The following ATP10A variants were observed in gnomAD, a reference collection of about 807,000 sequenced individuals.
ATP10A encodes ATPase phospholipid transporting 10A (putative).
ATP10A carries 111 observed loss-of-function variants against 147.8 expected under a neutral mutation model. The ratio of observed to expected loss-of-function variants is 0.75; its 90% confidence interval spans 0.64 to 0.88. ATP10A has a LOEUF of 0.88. Among genes scored for constraint, ATP10A ranks in the 40% least tolerant of loss-of-function variants. The probability of loss-of-function intolerance (pLI) is 0.00; values close to 1 mark genes in which losing one functional copy is unlikely to be tolerated. For missense variants in ATP10A, 1,927 were observed against 1,959.0 expected (o/e 0.98, Z 0.31); for synonymous variants, 875 against 841.6 (o/e 1.04, Z -0.69).
At chr15:25,762,982 G>T (rs10459722) in intron 2 of ATP10A, among the ~76,000 whole-genome samples, 142,004 of 152,244 alleles carry the variant, frequency 0.93, 66,770 homozygotes, top group Non-Finnish European at 1. Flanking sequence ...TTAACAATGT[G>T]TTTTTTTCAA....
intron 12 of ATP10A, among the ~76,000 whole-genome samples, chr15:25,705,881 T>C (rs1567315999): frequency 6.6e-6 from 1 of 152,234 alleles, no homozygotes; most frequent in African/African-American, 2.4e-5. Context: ...CAGGCTCCAG[T>C]GCACGGCTGG....
At chr15:25,709,246 T>A (rs1315065468) in intron 10 of ATP10A, 3 of 152,200 alleles carry the variant, frequency 2.0e-5, no homozygotes, top group Non-Finnish European at 1.5e-5. Flanking sequence ...GAGTTGATAA[T>A]GGGGAAGAAA....
At chr15:25,711,322 A>G (rs926811473) in intron 10 of ATP10A, among the ~76,000 whole-genome samples, 1 of 152,072 alleles carries the variant, frequency 6.6e-6, no homozygotes, top group African/African-American at 2.4e-5. Context: ...CACAGGTAGT[A>G]AGTTGATTTA....
At chr15:25,850,256 C>T (rs1893223198) in intron 1 of ATP10A, among the ~76,000 whole-genome samples, 2 of 152,174 alleles carry the variant, frequency 1.3e-5, no homozygotes, top group African/African-American at 4.8e-5. Context: ...CCAGCAGGAA[C>T]AGGGGCCTCC....
rs542299949 is a variant in ATP10A at position 25,721,820 on chromosome 15, G to A, written c.1200C>T (p.Asp400=). The stretch of plus-strand genomic sequence containing the variant: ...ACTGCAGCTGCGAGTCTGTTTCTTC[G>A]TCATACAACTGCATGTCCTGGTTAA... ...YFINQDMQLY[D]EETDSQLQCR... The change falls in exon 7 of 21, where the codon GAC becomes GAT. Residue 400 remains aspartate, a synonymous_variant. Coordinates refer to ENST00000555815, the MANE Select transcript of ATP10A (RefSeq NM_024490.4). 9.9e-6 allele frequency: 16 copies of A among 1,614,098 alleles called. No homozygotes were observed. Among genetic ancestry groups the A allele is most frequent in the African/African-American group, 6.7e-5 (5 of 75,014 alleles).
intron 1 of ATP10A, among the ~76,000 whole-genome samples, chr15:25,821,098 G>A (rs1277810065): frequency 6.6e-6 from 1 of 152,080 alleles, no homozygotes; most frequent in African/African-American, 2.4e-5. Context: ...AAAGAAACAG[G>A]CAATTTAAAG....
At chr15:25,694,048 G>C (rs1900175803) in intron 14 of ATP10A, among the ~76,000 whole-genome samples, 1 of 151,932 alleles carries the variant, frequency 6.6e-6, no homozygotes, top group Non-Finnish European at 1.5e-5. Context: ...GGGGGTCACG[G>C]CCACTGCTTC....
chr15:25,716,928 G>A lies in ATP10A; in HGVS notation c.1582-4C>T, dbSNP rs1901857421. The A allele has an allele frequency of 6.4e-7, 1 of 1,551,892 alleles. No individual in the cohort carries two copies. Among genetic ancestry groups the A allele is most frequent in the Non-Finnish European group, 8.7e-7 (1 of 1,145,852 alleles). On this transcript the variant is annotated splice_region_variant and splice_polypyrimidine_tract_variant and intron_variant, in intron 8 of 20. Transcript: ENST00000555815. ...GGTCGGGCGTGATATCCTTCTCCTG[G>A]GAGAAAGGGAGGCTGGCAGTGAGTC...
chr15:25,714,929 A>T (rs898918307), intron 9 of ATP10A, among the ~76,000 whole-genome samples: 2 of 151,818 alleles, frequency 1.3e-5, no homozygotes, highest in Non-Finnish European at 2.9e-5. Context: ...ACAATATTTT[A>T]ACCACCACAG....
At chr15:25,691,408 C>T (rs907688321) in intron 15 of ATP10A, among the ~76,000 whole-genome samples, 4 of 152,158 alleles carry the variant, frequency 2.6e-5, no homozygotes, top group Non-Finnish European at 5.9e-5. Flanking sequence ...TGGGACCGAG[C>T]CATCGAAAGC....
intron 1 of ATP10A, among the ~76,000 whole-genome samples, chr15:25,816,631 G>A (rs1891666858): frequency 6.6e-6 from 1 of 152,134 alleles, no homozygotes; most frequent in South Asian, 2.1e-4. Flanking sequence ...CGAAAGATTT[G>A]TGTACTTCTT....
At chr15:25,815,553 A>G (rs564155590) in intron 1 of ATP10A, among the ~76,000 whole-genome samples, 3 of 8,536 alleles carry the variant, frequency 3.5e-4, no homozygotes, top group Non-Finnish European at 1.0e-3. Flanking sequence ...ACTTTTTAGC[A>G]GATGTTCTGC....
At chr15:25,741,073 G>A (rs966965066) in intron 2 of ATP10A, among the ~76,000 whole-genome samples, 1 of 152,220 alleles carries the variant, frequency 6.6e-6, no homozygotes, top group African/African-American at 2.4e-5. Flanking sequence ...AGGGTAGGCA[G>A]GTGCCACAGC....
chr15:25,674,880 C>T (rs1448394958), downstream of ATP10A, among the ~76,000 whole-genome samples: 3 of 152,218 alleles, frequency 2.0e-5, no homozygotes, highest in African/African-American at 2.4e-5. Flanking sequence ...TCCCCAGTCT[C>T]ACCTGGGTTG....
At chr15:25,815,259 A>T (rs1416214253) in intron 1 of ATP10A, among the ~76,000 whole-genome samples, 1 of 152,232 alleles carries the variant, frequency 6.6e-6, no homozygotes, top group Non-Finnish European at 1.5e-5. Flanking sequence ...AAGGGAGATC[A>T]TCAGTGCTCA....
intron 12 of ATP10A, among the ~76,000 whole-genome samples, chr15:25,705,378 A>G: frequency 6.7e-6 from 1 of 149,298 alleles, no homozygotes; most frequent in South Asian, 2.2e-4. Flanking sequence ...TGAGCTCACA[A>G]TGTGCTGTGA....
At chr15:25,769,189 C>G (rs546421393) in intron 2 of ATP10A, among the ~76,000 whole-genome samples, 52 of 152,142 alleles carry the variant, frequency 3.4e-4, no homozygotes, top group Middle Eastern at 3.4e-3. Flanking sequence ...AGAGCTTTTA[C>G]TTTTACATGC....
chr15:25,768,547 T>G (rs1409428979), intron 2 of ATP10A, among the ~76,000 whole-genome samples: 1 of 151,436 alleles, frequency 6.6e-6, no homozygotes, highest in East Asian at 1.9e-4. Flanking sequence ...TCTCTTTTTT[T>G]TTTTTTTTTC....
chr15:25,832,063 A>G (rs2140872265), intron 1 of ATP10A, among the ~76,000 whole-genome samples: 1 of 152,300 alleles, frequency 6.6e-6, no homozygotes, highest in Admixed American at 6.5e-5. Flanking sequence ...GAAAACAGAG[A>G]CACAGAGACT....
Sources: allele counts gnomAD v4.1 joint callset (sites outside exome capture counted in the v4.1 genomes callset), GRCh38; gene constraint gnomAD v4.1.1; transcripts MANE v1.5; gene names NCBI Gene and HGNC (gene_info 2026-07-23, HGNC 2026-07-21).